The following ZNF711 variants were observed in gnomAD, a reference collection of about 807,000 sequenced individuals.
ZNF711 encodes zinc finger protein 711.
A neutral mutation model predicts 43.5 loss-of-function variants in ZNF711; 3 were observed. That is an observed-to-expected ratio of 0.07 (90% CI 0.03 to 0.18). The LOEUF (loss-of-function observed/expected upper bound fraction) is 0.18. ZNF711 is among the 10% of genes least tolerant of loss of function. The pLI, the probability that ZNF711 is intolerant of heterozygous loss-of-function variation, is 1.00. For missense variants in ZNF711, 412 were observed against 604.0 expected, an observed-to-expected ratio of 0.68 and a Z score of 3.33; for synonymous variants, 209 against 207.7, an observed-to-expected ratio of 1.01 and a Z score of -0.06.
chrX:85,267,516 A>G, intron 8 of ZNF711, 101 bp downstream of exon 8: 1 of 654,153 alleles, frequency 1.5e-6, no homozygotes, highest in Non-Finnish European at 2.1e-6. Flanking sequence ...TGAATTGGCT[A>G]ATATAATAAA....
chrX:85,249,466 A>G (rs1462812122), intron 4 of ZNF711, among the ~76,000 whole-genome samples: 4 of 111,561 alleles, frequency 3.6e-5, no homozygotes. Flanking sequence ...GAGGTTGGCT[A>G]TTAGCTAGTA....
At chrX:85,264,876 A>G (rs190033040) in intron 6 of ZNF711, among the ~76,000 whole-genome samples, 1 of 110,977 alleles carries the variant, frequency 9.0e-6, no homozygotes, top group Admixed American at 9.6e-5. Context: ...TAAAGGGGTA[A>G]ATATGTATAA....
intron 4 of ZNF711, among the ~76,000 whole-genome samples, chrX:85,254,765 G>A (rs1436349929): frequency 1.1e-5 from 1 of 95,151 alleles, no homozygotes; most frequent in African/African-American, 4.0e-5. Context: ...TCGCGCCACC[G>A]CACTCCAGCC....
At position 85,273,179 on chromosome X, in the gene ZNF711, A is replaced by G. The variant is rs913381683; in HGVS notation, c.*1351A>G. 1 of 112,092 alleles carries G rather than the reference A, an allele frequency of 8.9e-6. No individual in the cohort carries two copies. The highest frequency in any genetic ancestry group is 3.2e-5 in the African/African-American group (1 of 30,839). 9.2% of individuals were successfully genotyped at this position (112,092 alleles called of 1,213,427 possible). On this transcript the variant is annotated 3_prime_UTR_variant, in exon 11 of 11. Transcript: ENST00000674551. Reference sequence around the variant, plus strand: ...CCAGATAAGAATCAGTTCCTTGAGAATAAATTTTTTATCTTTCTTAACTTC... The same window carrying G: ...CCAGATAAGAATCAGTTCCTTGAGAGTAAATTTTTTATCTTTCTTAACTTC...
intron 4 of ZNF711, among the ~76,000 whole-genome samples, chrX:85,254,613 C>CAAAAAAAAAAAA (rs764074077): frequency 2.3e-4 from 1 of 4,295 alleles, no homozygotes; most frequent in Non-Finnish European, 3.6e-4. Context: ...GACTCCGTCT[C>CAAAAAAAAAAAA]AAAAAAAAAA....
rs756844906 is a variant in ZNF711 at position 85,269,984 on chromosome X, T to G, written c.1103-19T>G. 8.3e-7 allele frequency: 1 copy of G among 1,206,128 alleles called. No individual in the cohort carries two copies. Among genetic ancestry groups the G allele is most frequent in the Non-Finnish European group, 1.1e-6 (1 of 892,505 alleles). On this transcript the variant is annotated intron_variant, in intron 9 of 10. Transcript: ENST00000674551. Reference sequence around the variant, plus strand: ...TATAAATGTATGTGATTTAATGATGTTTCAATTTTTTTTTCCAGGAAATAC... The same window carrying G: ...TATAAATGTATGTGATTTAATGATGGTTCAATTTTTTTTTCCAGGAAATAC...
chrX:85,258,199 A>G lies in ZNF711; in HGVS notation c.622+2398A>G, dbSNP rs773564805. Among the ~76,000 whole-genome samples, 239 of 112,416 alleles carry G rather than the reference A, an allele frequency of 2.1e-3. 1 individual carries two copies. The highest frequency in any genetic ancestry group is 7.6e-3 in the African/African-American group (237 of 31,030). Reference sequence around the variant, plus strand: ...GTACACTATGGAATACTACTCAGCCATAAAAAGGAATGAAATAATGGCATT... The same window carrying G: ...GTACACTATGGAATACTACTCAGCCGTAAAAAGGAATGAAATAATGGCATT... On this transcript the variant is annotated intron_variant, in intron 5 of 10. Transcript: ENST00000674551.
At chrX:85,247,761 C>G in intron 4 of ZNF711, 110 bp downstream of exon 4, 1 of 621,873 alleles carries the variant, frequency 1.6e-6, no homozygotes, top group Non-Finnish European at 2.6e-6. Context: ...TGTTCTTTTA[C>G]TAGGAAAATA....
rs552040025 is a variant in ZNF711 at position 85,271,799 on chromosome X, A to G, written c.2395A>G (p.Met799Val). 4 of 1,209,931 alleles carry G rather than the reference A, an allele frequency of 3.3e-6. No homozygotes were observed. Among genetic ancestry groups the G allele is most frequent in the Non-Finnish European group, 2.2e-6 (2 of 894,073 alleles). ...ACCATCAGAAAAAAATCAGCATATT[A>G]TGAGGCACCACAAAGAGGCTCTTAT... is the stretch of plus-strand genomic sequence containing the variant. ...RRPSEKNQHI[M>V]RHHKEALM The change falls in exon 11 of 11, where the codon ATG (methionine) becomes GTG (valine). Residue 799 changes from methionine (M) to valine (V), a missense_variant. Physicochemically the swap from Met to Val is conservative, Grantham distance 21. Transcript: ENST00000674551.
intron 4 of ZNF711, among the ~76,000 whole-genome samples, chrX:85,254,718 C>A (rs1481496248): frequency 2.2e-5 from 2 of 91,807 alleles, no homozygotes; most frequent in East Asian, 3.5e-4. Flanking sequence ...AGAAGAATGG[C>A]GTGAACCCGG....
At position 85,267,408 on chromosome X, in the gene ZNF711, G is replaced by A. The variant is rs1397427768; in HGVS notation, c.1047G>A (p.Ala349=). The A allele has an allele frequency of 1.7e-5, 19 of 1,124,047 alleles. No individual in the cohort carries two copies. In the Admixed American group the frequency reaches 2.6e-4, roughly 15 times the overall value. The allele number at this position is 1,124,047 out of a possible 1,213,427, so 92.6% of individuals were successfully genotyped here. A position where few individuals can be genotyped will look rare whatever the true frequency, so the allele number is the denominator to read the frequency against. ...NKTVVPVVWA[A]AYGDERRVSR... ...CAGTTGTCCCTGTTGTCTGGGCTGCGGCATATGGTAGGATACTGGCATTTT... is the reference window on the plus strand; with the variant it reads ...CAGTTGTCCCTGTTGTCTGGGCTGCAGCATATGGTAGGATACTGGCATTTT... The change falls in exon 8 of 11, where the codon GCG becomes GCA. Residue 349 remains alanine (A), a synonymous_variant. Coordinates refer to ENST00000674551, the MANE Select transcript of ZNF711 (RefSeq NM_001330574.2).
intron 5 of ZNF711, among the ~76,000 whole-genome samples, chrX:85,257,934 G>T (rs1451596149): frequency 3.5e-5 from 4 of 113,061 alleles, no homozygotes; most frequent in African/African-American, 1.3e-4. Context: ...CACTGTTGGT[G>T]GGAATGTAAA....
At chrX:85,264,054 C>T (rs1013301675) in intron 5 of ZNF711, among the ~76,000 whole-genome samples, 7 of 110,148 alleles carry the variant, frequency 6.4e-5, no homozygotes, top group Non-Finnish European at 1.1e-4. Flanking sequence ...AATCTCCTCT[C>T]CCCCCACCTT....
chrX:85,263,568 C>CT (rs1468304714), intron 5 of ZNF711, among the ~76,000 whole-genome samples: 1 of 108,733 alleles, frequency 9.2e-6, no homozygotes, highest in African/African-American at 3.3e-5. Flanking sequence ...CTCTGTGTTT[C>CT]TTTTTTTAAT....
In ZNF711 at chrX:85,255,500, T is replaced by C. The variant is rs1292116347; in HGVS notation, c.321T>C (p.Asp107=). The part of the protein sequence containing the change: ...DVAIEEDLEE[D]DGDHILTSEL... The stretch of plus-strand genomic sequence containing the variant: ...CCATTGAAGAGGATTTAGAGGAAGA[T>C]GATGGTGATCACATCTTGACTTCTG... The change falls in exon 5 of 11, where the codon GAT becomes GAC. Residue 107 remains aspartate, a synonymous_variant. Transcript: ENST00000674551. The C allele has an allele frequency of 8.3e-7, 1 of 1,210,045 alleles. No individual in the cohort carries two copies. The highest frequency in any genetic ancestry group is 1.1e-6 in the Non-Finnish European group (1 of 895,349).
intron 4 of ZNF711, among the ~76,000 whole-genome samples, chrX:85,252,956 CTA>C (rs1929677209): frequency 8.9e-6 from 1 of 111,989 alleles, no homozygotes; most frequent in Non-Finnish European, 1.9e-5. Flanking sequence ...ATAATGAACA[CTA>C]TGTGACAAAT....
chrX:85,265,401 G>C, intron 7 of ZNF711, 146 bp downstream of exon 7: 1 of 588,511 alleles, frequency 1.7e-6, no homozygotes, highest in Non-Finnish European at 2.7e-6. Context: ...TAATTTAAAA[G>C]TGAAGGGTCC....
chrX:85,270,754 T>G lies in ZNF711; in HGVS notation c.1350T>G (p.Asn450Lys). The change falls in exon 11 of 11, where the codon AAT becomes AAG. Residue 450 changes from asparagine to lysine, a missense_variant. By Grantham distance (94) the Asn-to-Lys change is moderately conservative. Around this residue, in one of 4 missense-constraint regions of ZNF711, gnomAD observed 375 missense variants for 514.2 expected, o/e 0.73. Transcript: ENST00000674551. ...GATTCTTAAAAAGACACATGAAGAA[T>G]CATCCTGATCATTTAATGAGAAAAA... ...SRGFLKRHMK[N>K]HPDHLMRKKY... 2 of 1,203,573 alleles carry G rather than the reference T, an allele frequency of 1.7e-6. No individual in the cohort carries two copies. Among genetic ancestry groups the G allele is most frequent in the Non-Finnish European group, 2.2e-6 (2 of 890,503 alleles).
At chrX:85,252,998 A>G (rs1479790957) in intron 4 of ZNF711, among the ~76,000 whole-genome samples, 1 of 112,109 alleles carries the variant, frequency 8.9e-6, no homozygotes, top group Non-Finnish European at 1.9e-5. Context: ...CTTTATAGAA[A>G]GTGATCAAAA....
Sources: allele counts gnomAD v4.1 joint callset (sites outside exome capture counted in the v4.1 genomes callset), GRCh38; gene constraint gnomAD v4.1.1; regional missense constraint gnomAD v4.1.1; transcripts MANE v1.5; gene names NCBI Gene and HGNC (gene_info 2026-07-23, HGNC 2026-07-21).